CDH3: variants seen among roughly 807,000 people sequenced by gnomAD.
CDH3 encodes the protein cadherin 3, also known as cadherin-3.
Under a neutral mutation model 82.0 loss-of-function variants are expected in CDH3, and 54 were observed. That is an observed-to-expected ratio of 0.66 (90% CI 0.53 to 0.83). The LOEUF is 0.83. CDH3 is among the 40% of genes least tolerant of loss of function. The probability of loss-of-function intolerance (pLI) is 0.00; values close to 1 mark genes in which losing one functional copy is unlikely to be tolerated. For synonymous variants in CDH3, 446 were observed against 437.9 expected, an observed-to-expected ratio of 1.02 and a Z score of -0.23; for missense variants, 1,054 against 1,084.6, an observed-to-expected ratio of 0.97 and a Z score of 0.40.
chr16:68,645,437 C>T lies in CDH3; in HGVS notation c.45+13C>T, dbSNP rs371078967. ...CCTCCTTCTCCAGGTACTCCACAGC[C>T]TCGCCGTGGCCCCGACCGGGACCGC... On this transcript the variant is annotated intron_variant, in intron 1 of 15. Transcript: ENST00000264012. 1.2e-6 allele frequency: 2 copies of T among 1,612,638 alleles called. No homozygotes were observed. Among genetic ancestry groups the T allele is most frequent in the Non-Finnish European group, 1.7e-6 (2 of 1,179,308 alleles).
chr16:68,654,833 C>T (rs766784406), intron 2 of CDH3, among the ~76,000 whole-genome samples: 29 of 150,862 alleles, frequency 1.9e-4, no homozygotes, highest in Non-Finnish European at 3.4e-4. Flanking sequence ...GTCAGGAGTT[C>T]AAGACCAGCC....
At chr16:68,674,189 A>G (rs1318388648) in intron 2 of CDH3, among the ~76,000 whole-genome samples, 3 of 152,130 alleles carry the variant, frequency 2.0e-5, no homozygotes, top group Non-Finnish European at 4.4e-5. Flanking sequence ...ATCCTTGCCA[A>G]CACTTGTTGT....
intron 1 of CDH3, among the ~76,000 whole-genome samples, chr16:68,716,620 CA>C (rs563385107): frequency 6.8e-5 from 7 of 103,198 alleles, no homozygotes; most frequent in South Asian, 3.6e-4. Flanking sequence ...GACTCCGGCT[CA>C]AAAAAAAAAA....
At position 68,687,621 on chromosome 16, in the gene CDH3, T is replaced by C; in HGVS notation, c.1680T>C (p.Pro560=). ...AGATCACCATCTGCAACCAAAGCCC[T>C]GTGCGCCAGGTGCTGAACATCACGG... ...PRQITICNQS[P]VRQVLNITDK... is the part of the protein sequence containing the mutation. Residue 560 remains proline (P), a synonymous_variant, in exon 12 of 16, where the codon CCT becomes CCC. Transcript: ENST00000264012. 6.2e-7 allele frequency: 1 copy of C among 1,614,112 alleles called. No individual in the cohort carries two copies. The highest frequency in any genetic ancestry group is 8.5e-7 in the Non-Finnish European group (1 of 1,180,000).
chr16:68,694,966 G>A (rs1181304632), intron 13 of CDH3, among the ~76,000 whole-genome samples: 2 of 152,182 alleles, frequency 1.3e-5, no homozygotes, highest in Non-Finnish European at 2.9e-5. Context: ...GAAGGAGCCT[G>A]TATGAAGGTT....
In CDH3 at chr16:68,649,550, C is replaced by A. The variant is rs1282285828; in HGVS notation, c.160+3800C>A. ...GGGAGCTTACAGTCTAGTAATTTTT[C>A]TTTTTTTCTTAAAAACAGAGGTTTT... is the stretch of plus-strand genomic sequence containing the variant. On this transcript the variant is annotated intron_variant, in intron 2 of 15. Transcript: ENST00000264012. 3.9e-5 allele frequency among the ~76,000 whole-genome samples: 6 copies of A among 152,168 alleles called. No individual in the cohort carries two copies. In the East Asian group the frequency reaches 1.2e-3, roughly 29 times the overall value.
chr16:68,678,190 C>T lies in CDH3; in HGVS notation c.303C>T (p.Ile101=). The T allele has an allele frequency of 1.2e-6, 2 of 1,613,908 alleles. No individual in the cohort carries two copies. Among genetic ancestry groups the T allele is most frequent in the Non-Finnish European group, 1.7e-6 (2 of 1,179,750 alleles). ...TGAAGATCTTCCCATCCAAACGTAT[C>T]TTACGAAGACACAAGAGAGATTGGG... is the stretch of plus-strand genomic sequence containing the variant. The part of the protein sequence containing the change: ...NPLKIFPSKR[I]LRRHKRDWVV... The change falls in exon 4 of 16, where the codon ATC becomes ATT. Residue 101 remains isoleucine (I), a synonymous_variant. Coordinates refer to ENST00000264012, the MANE Select transcript of CDH3 (RefSeq NM_001793.6).
intron 3 of CDH3, among the ~76,000 whole-genome samples, chr16:68,677,053 A>G (rs576963289): frequency 6.6e-6 from 1 of 152,330 alleles, no homozygotes; most frequent in Non-Finnish European, 1.5e-5. Flanking sequence ...TATATAGTCT[A>G]TACTTACATG....
At chr16:68,672,037 G>A (rs1960895523) in intron 2 of CDH3, among the ~76,000 whole-genome samples, 1 of 151,938 alleles carries the variant, frequency 6.6e-6, no homozygotes, top group South Asian at 2.1e-4. Flanking sequence ...ATAAGTTTCT[G>A]TAAAATTAGC....
At chr16:68,693,910 A>C (rs1325208500) in intron 13 of CDH3, among the ~76,000 whole-genome samples, 1 of 152,112 alleles carries the variant, frequency 6.6e-6, no homozygotes, top group Admixed American at 6.6e-5. Context: ...CCCATGTCCA[A>C]ATAGCCTGCC....
intron 1 of CDH3, among the ~76,000 whole-genome samples, chr16:68,711,717 G>A (rs1962033409): frequency 6.6e-6 from 1 of 152,242 alleles, no homozygotes; most frequent in Non-Finnish European, 1.5e-5. Flanking sequence ...TGGTTTCCCA[G>A]GAAGAGAAGT....
chr16:68,684,428 C>T (rs920601891), intron 9 of CDH3, among the ~76,000 whole-genome samples, 155 bp from the exon 10 acceptor site: 3 of 152,126 alleles, frequency 2.0e-5, no homozygotes, highest in African/African-American at 4.8e-5. Context: ...TCAGGAAACA[C>T]GGGAGTGTTT....
downstream of CDH3, among the ~76,000 whole-genome samples, chr16:68,727,684 A>T (rs1023144930): frequency 2.0e-5 from 3 of 152,074 alleles, no homozygotes; most frequent in African/African-American, 7.2e-5. Flanking sequence ...CAAGGTGGGT[A>T]GATCACCTGA....
intron 2 of CDH3, among the ~76,000 whole-genome samples, chr16:68,652,398 C>T (rs1960275072): frequency 6.6e-6 from 1 of 152,068 alleles, no homozygotes. Flanking sequence ...CTCTCACCTC[C>T]CTGCTGCACA....
intron 2 of CDH3, among the ~76,000 whole-genome samples, chr16:68,657,406 C>G (rs1348308060): frequency 6.6e-6 from 1 of 152,070 alleles, no homozygotes; most frequent in Non-Finnish European, 1.5e-5. Flanking sequence ...CCCAGCTACT[C>G]GGGAGGCTGA....
In CDH3 at chr16:68,687,599, T is replaced by A. The variant is rs748495894; in HGVS notation, c.1658T>A (p.Ile553Asn). The A allele has an allele frequency of 1.9e-6, 3 of 1,613,994 alleles. No individual in the cohort carries two copies. The African/African-American group carries it at 4.0e-5, about 22-fold the overall frequency. Residue 553 changes from isoleucine (I) to asparagine (N), a missense_variant, in exon 12 of 16, where the codon ATC (isoleucine) becomes AAC (asparagine). Physicochemically the swap from Ile to Asn is moderately radical, Grantham distance 149. Transcript: ENST00000264012. ...DHGPVPEPRQITICNQSPVRQ... is the reference protein window; with the variant it reads ...DHGPVPEPRQNTICNQSPVRQ... ...GGCCCAGTCCCTGAGCCCCGTCAGATCACCATCTGCAACCAAAGCCCTGTG... is the reference window on the plus strand; with the variant it reads ...GGCCCAGTCCCTGAGCCCCGTCAGAACACCATCTGCAACCAAAGCCCTGTG...
downstream of CDH3, among the ~76,000 whole-genome samples, chr16:68,731,020 C>CAAAAA (rs1168041237): frequency 8.6e-5 from 3 of 34,918 alleles, no homozygotes; most frequent in African/African-American, 1.8e-4. Context: ...AACTCCGTCT[C>CAAAAA]AAAAAAAAAA....
chr16:68,646,474 G>T (rs1273570934), intron 2 of CDH3, among the ~76,000 whole-genome samples: 1 of 150,400 alleles, frequency 6.6e-6, no homozygotes, highest in Non-Finnish European at 1.5e-5. Flanking sequence ...GGAGATCAAA[G>T]CACATTTTTG....
At chr16:68,716,448 C>T (rs1962095673) in intron 1 of CDH3, among the ~76,000 whole-genome samples, 1 of 151,298 alleles carries the variant, frequency 6.6e-6, no homozygotes, top group Non-Finnish European at 1.5e-5. Context: ...TATCGAGACC[C>T]TCATCTCTAC....
Sources: allele counts gnomAD v4.1 joint callset (sites outside exome capture counted in the v4.1 genomes callset), GRCh38; gene constraint gnomAD v4.1.1; transcripts MANE v1.5; gene names NCBI Gene and HGNC (gene_info 2026-07-23, HGNC 2026-07-21).